Variants in PRPS1 observed in about 807,000 individuals in gnomAD.
The protein encoded by PRPS1 is phosphoribosyl pyrophosphate synthetase 1.
In PRPS1, 1 loss-of-function variant was observed where a neutral mutation model predicts 16.9. The ratio of observed to expected loss-of-function variants is 0.06; its 90% CI spans 0.02 to 0.28. PRPS1 has a LOEUF of 0.28. Among genes scored for constraint, PRPS1 ranks in the 10% least tolerant of loss-of-function variants. PRPS1 has a pLI of 1.00. For synonymous variants in PRPS1, 70 were observed against 90.2 expected, an observed-to-expected ratio of 0.78 and a Z score of 1.27; for missense variants, 47 against 254.0, an observed-to-expected ratio of 0.19 and a Z score of 5.54.
intron 1 of PRPS1, among the ~76,000 whole-genome samples, chrX:107,637,207 C>T (rs995502910): frequency 3.6e-5 from 4 of 109,821 alleles, no homozygotes; most frequent in East Asian, 2.8e-4. Flanking sequence ...CTGAAACTTT[C>T]GTGGTAAAAT....
intron 1 of PRPS1, among the ~76,000 whole-genome samples, chrX:107,638,192 C>G (rs1009167309): frequency 8.1e-5 from 9 of 110,705 alleles, no homozygotes; most frequent in African/African-American, 3.0e-4. Context: ...TCACCGCAAC[C>G]TGTGCCTCCC....
At chrX:107,637,088 T>C (rs754332850) in intron 1 of PRPS1, among the ~76,000 whole-genome samples, 25 of 112,761 alleles carry the variant, frequency 2.2e-4, no homozygotes, top group Non-Finnish European at 4.7e-4. Flanking sequence ...GTTTGAGGTA[T>C]CACTAAGGTG....
rs1457383153 is a variant in PRPS1 at position 107,632,094 on chromosome X, T to TTAC, written c.122+3347_122+3349dup. On this transcript the variant is annotated intron_variant, in intron 1 of 6. Coordinates refer to ENST00000372435, the MANE Select transcript of PRPS1 (RefSeq NM_002764.4). ...TCAAAACTGCTATGAGGAATAACTC[T>TTAC]TACTATCCCTATTTTACAGAGAAGA... is the stretch of plus-strand genomic sequence containing the variant. Among the ~76,000 whole-genome samples the TTAC allele has an allele frequency of 3.6e-5, 4 of 112,607 alleles. No individual in the cohort carries two copies. The East Asian group carries it at 1.1e-3, about 31-fold the overall frequency.
chrX:107,647,617 C>T lies in PRPS1; in HGVS notation c.716C>T (p.Ala239Val). The change falls in exon 6 of 7, where the codon GCT becomes GTT. Residue 239 changes from alanine (A) to valine (V), a missense_variant. Physicochemically the swap from Ala to Val is moderately conservative, Grantham distance 64. Around this residue, in one of 3 missense-constraint regions of PRPS1, gnomAD observed 26 missense variants for 70.2 expected, o/e 0.37. Coordinates refer to ENST00000372435, the MANE Select transcript of PRPS1 (RefSeq NM_002764.4). ...ICHAADKLLS[A>V]GATRVYAILT... is the part of the protein sequence containing the mutation. ...TTTTTTCCCTCTAGACTTCTCTCAG[C>T]TGGCGCCACCAGAGTTTATGCCATC... 2 of 1,211,485 alleles carry T rather than the reference C, an allele frequency of 1.7e-6. No individual in the cohort carries two copies. The highest frequency in any genetic ancestry group is 2.2e-6 in the Non-Finnish European group (2 of 895,305).
intron 1 of PRPS1, among the ~76,000 whole-genome samples, chrX:107,633,825 G>A (rs770411841): frequency 9.0e-6 from 1 of 111,025 alleles, no homozygotes; most frequent in Non-Finnish European, 1.9e-5. Flanking sequence ...TACTTGGGTG[G>A]CTGAGGCAGG....
chrX:107,629,442 A>G (rs893418714), intron 1 of PRPS1, among the ~76,000 whole-genome samples: 3 of 111,797 alleles, frequency 2.7e-5, no homozygotes, highest in Non-Finnish European at 5.6e-5. Context: ...GAGCCATCCA[A>G]AAAATCTTGG....
intron 1 of PRPS1, among the ~76,000 whole-genome samples, chrX:107,634,787 T>C (rs1454477047): frequency 9.1e-6 from 1 of 110,387 alleles, no homozygotes; most frequent in African/African-American, 3.3e-5. Context: ...GCCACTGTGG[T>C]CTAAGAATGT....
At chrX:107,649,851 A>G in intron 6 of PRPS1, 89 bp from the exon 7 acceptor site, 1 of 1,206,008 alleles carries the variant, frequency 8.3e-7, no homozygotes, top group Non-Finnish European at 1.1e-6. Flanking sequence ...GAGGAAGGGC[A>G]CTTGCCTGGC....
rs1180425178 is a variant in PRPS1 at position 107,650,313 on chromosome X, ATGT to A, written c.*285_*287del. ...GCTGCAAGATTTCAGACTTTTGAGG[ATGT>A]TGTGTGAGGGTGTTTGACTGTGACT... is the stretch of plus-strand genomic sequence containing the variant. On this transcript the variant is annotated 3_prime_UTR_variant, in exon 7 of 7. Coordinates refer to ENST00000372435, the MANE Select transcript of PRPS1 (RefSeq NM_002764.4). 9.1e-6 allele frequency: 4 copies of A among 438,378 alleles called. No homozygotes were observed. Among genetic ancestry groups the A allele is most frequent in the Non-Finnish European group, 1.2e-5 (3 of 259,561 alleles). 36.1% of individuals were successfully genotyped at this position (438,378 alleles called of 1,213,427 possible). A position where few individuals can be genotyped will look rare whatever the true frequency, so the allele number is the denominator to read the frequency against.
chrX:107,649,312 C>T lies in PRPS1; in HGVS notation c.865-628C>T, dbSNP rs187189979. On this transcript the variant is annotated intron_variant, in intron 6 of 6. Transcript: ENST00000372435. Reference sequence around the variant, plus strand: ...ATATTGCCCAGGCTGGACTCAAACTCCTGGGCTCAAGTGATCCTCCCACCT... The same window carrying T: ...ATATTGCCCAGGCTGGACTCAAACTTCTGGGCTCAAGTGATCCTCCCACCT... Among the ~76,000 whole-genome samples the T allele has an allele frequency of 7.1e-5, 8 of 112,219 alleles. No homozygotes were observed. In the East Asian group the frequency reaches 2.2e-3, roughly 31 times the overall value.
intron 1 of PRPS1, among the ~76,000 whole-genome samples, chrX:107,629,318 G>C (rs1040863694): frequency 6.3e-5 from 7 of 111,883 alleles, no homozygotes; most frequent in Non-Finnish European, 1.1e-4. Flanking sequence ...ATCAGCAAGC[G>C]TTGGCTTTTC....
At position 107,647,591 on chromosome X, in the gene PRPS1, A is replaced by AT. The variant is rs768297199; in HGVS notation, c.705-9dup. The AT allele has an allele frequency of 6.6e-6, 8 of 1,210,079 alleles. No homozygotes were observed. The South Asian group carries it at 1.2e-4, about 19-fold the overall frequency. On this transcript the variant is annotated splice_polypyrimidine_tract_variant and intron_variant, in intron 5 of 6. Transcript: ENST00000372435. ...ACAAGTAAGATGAATCCAAATCAAC[A>AT]TTTTTTCCCTCTAGACTTCTCTCAG...
chrX:107,640,485 A>G (rs1205459388), intron 2 of PRPS1, among the ~76,000 whole-genome samples: 1 of 112,590 alleles, frequency 8.9e-6, no homozygotes, highest in Non-Finnish European at 1.9e-5. Context: ...AAAGGAAACT[A>G]TAATATCTAT....
intron 3 of PRPS1, among the ~76,000 whole-genome samples, chrX:107,641,465 C>T (rs906990161): frequency 6.3e-5 from 7 of 111,531 alleles, no homozygotes; most frequent in Non-Finnish European, 1.3e-4. Flanking sequence ...AAGCAGTTCT[C>T]CTGCCTCGGC....
chrX:107,649,660 T>G (rs1035086683), intron 6 of PRPS1, among the ~76,000 whole-genome samples: 1 of 111,064 alleles, frequency 9.0e-6, no homozygotes, highest in Admixed American at 9.6e-5. Flanking sequence ...TTTCATCATG[T>G]TGGCCAGCCT....
chrX:107,646,778 G>A (rs756815320), intron 5 of PRPS1, among the ~76,000 whole-genome samples: 4 of 112,155 alleles, frequency 3.6e-5, no homozygotes, highest in Non-Finnish European at 5.6e-5. Context: ...GCCAGAAAAG[G>A]AAAAGAACAC....
chrX:107,630,661 C>T (rs745688321), intron 1 of PRPS1, among the ~76,000 whole-genome samples: 112 of 109,920 alleles, frequency 1.0e-3, no homozygotes, highest in African/African-American at 3.6e-3. Context: ...CCAGGTGACT[C>T]TTGGTTGATG....
chrX:107,632,123 C>T (rs756765672), intron 1 of PRPS1, among the ~76,000 whole-genome samples: 1 of 112,726 alleles, frequency 8.9e-6, no homozygotes, highest in South Asian at 3.6e-4. Flanking sequence ...GAGAAGAGAA[C>T]TACAGTAAGA....
chrX:107,643,065 G>A (rs182609163), intron 4 of PRPS1, among the ~76,000 whole-genome samples: 5 of 112,374 alleles, frequency 4.4e-5, no homozygotes, highest in African/African-American at 1.6e-4. Flanking sequence ...TGGATTACTC[G>A]TTAGTAATGC....
Sources: gnomAD v4.1 joint callset for allele counts (sites outside exome capture counted in the v4.1 genomes callset) on GRCh38, gnomAD v4.1.1 for gene constraint, gnomAD v4.1.1 regional missense constraint, MANE v1.5 for transcripts, NCBI Gene and HGNC (gene_info 2026-07-23, HGNC 2026-07-21) for gene names.